LMNTD1: variants seen among roughly 807,000 people sequenced by gnomAD.
The protein encoded by LMNTD1 is lamin tail domain containing 1.
In LMNTD1, 35 loss-of-function variants were observed where a neutral mutation model predicts 50.9. The ratio of observed to expected loss-of-function variants is 0.69; its 90% CI spans 0.53 to 0.91. The LOEUF (loss-of-function observed/expected upper bound fraction) is 0.91. Ranked by LOEUF, LMNTD1 falls within the 40% of genes least tolerant of loss-of-function variation. The probability of loss-of-function intolerance (pLI) is 0.00; values close to 1 mark genes in which losing one functional copy is unlikely to be tolerated. For synonymous variants in LMNTD1, 153 were observed against 161.9 expected (o/e 0.94, Z 0.42); for missense variants, 470 against 475.5 (o/e 0.99, Z 0.11).
chr12:25,507,128 G>A lies in LMNTD1; in HGVS notation c.1190-3328C>T, dbSNP rs138558724. Among the ~76,000 whole-genome samples, 359 of 152,140 alleles carry A rather than the reference G, an allele frequency of 2.4e-3. 1 individual carries two copies. The highest frequency in any genetic ancestry group is 6.9e-3 in the African/African-American group (286 of 41,496). ...TGACCTTAAGTGATGCACCCACCTC[G>A]GCCTCCCAAAGTGCTGGGATTACAG... On this transcript the variant is annotated intron_variant, in intron 8 of 9. Coordinates refer to ENST00000458174, the MANE Select transcript of LMNTD1 (RefSeq NM_001145728.2).
intron 1 of LMNTD1, among the ~76,000 whole-genome samples, chr12:25,585,148 T>C (rs562409575): frequency 6.6e-6 from 1 of 152,336 alleles, no homozygotes; most frequent in Admixed American, 6.5e-5. Flanking sequence ...TCCCATGGAC[T>C]CTTTCATGTG....
At chr12:25,531,440 C>G (rs1400797041) in intron 4 of LMNTD1, among the ~76,000 whole-genome samples, 1 of 152,182 alleles carries the variant, frequency 6.6e-6, no homozygotes, top group Middle Eastern at 3.2e-3. Flanking sequence ...GATATTTAGT[C>G]TAGTGTCTCG....
intron 1 of LMNTD1, among the ~76,000 whole-genome samples, chr12:25,587,526 A>C (rs1213530831): frequency 7.2e-6 from 1 of 139,050 alleles, no homozygotes; most frequent in Non-Finnish European, 1.5e-5. Flanking sequence ...CACTCTTGTG[A>C]GGACTCACTC....
At chr12:25,556,676 G>C (rs1944057229), upstream of LMNTD1, among the ~76,000 whole-genome samples, 1 of 152,204 alleles carries the variant, frequency 6.6e-6, no homozygotes, top group African/African-American at 2.4e-5. Context: ...CCCCATAAGA[G>C]TAGATGTGGG....
chr12:25,605,592 A>C (rs1283722803), intron 1 of LMNTD1, among the ~76,000 whole-genome samples: 1 of 152,192 alleles, frequency 6.6e-6, no homozygotes, highest in Non-Finnish European at 1.5e-5. Context: ...CCATTTATTA[A>C]ATAGGGAATC....
At chr12:25,538,953 A>G (rs1942841990) in intron 4 of LMNTD1, among the ~76,000 whole-genome samples, 1 of 148,164 alleles carries the variant, frequency 6.7e-6, no homozygotes, top group South Asian at 2.2e-4. Flanking sequence ...ACTTTAAACC[A>G]ACAAAGATCA....
intron 3 of LMNTD1, among the ~76,000 whole-genome samples, chr12:25,548,847 T>A (rs1488853964): frequency 6.6e-6 from 1 of 151,992 alleles, no homozygotes; most frequent in Non-Finnish European, 1.5e-5. Context: ...TTTATTGTTT[T>A]ACCATTTTCT....
intron 9 of LMNTD1, among the ~76,000 whole-genome samples, chr12:25,491,588 A>G (rs1021043907): frequency 6.6e-6 from 1 of 152,384 alleles, no homozygotes; most frequent in Admixed American, 6.5e-5. Context: ...AATTCTCTCT[A>G]TTGCCCCAAG....
In LMNTD1 at chr12:25,621,881, C is replaced by T. The variant is rs377483079; in HGVS notation, c.58+26613G>A. ...TATGCTGAATGAGATGGGAAATCAACAGAGGGTTCTGGACAGAAAACTGAT... is the reference window on the plus strand; with the variant it reads ...TATGCTGAATGAGATGGGAAATCAATAGAGGGTTCTGGACAGAAAACTGAT... On this transcript the variant is annotated intron_variant, in intron 1 of 7. Coordinates refer to the LMNTD1 transcript ENST00000445693. 2.1e-4 allele frequency among the ~76,000 whole-genome samples: 32 copies of T among 152,300 alleles called. 1 individual carries two copies. The highest frequency in any genetic ancestry group is 7.7e-4 in the African/African-American group (32 of 41,580).
intron 1 of LMNTD1, among the ~76,000 whole-genome samples, chr12:25,618,727 T>C (rs540734576): frequency 6.6e-6 from 1 of 152,330 alleles, no homozygotes; most frequent in East Asian, 1.9e-4. Context: ...TGAATACTAA[T>C]AATTTAATAA....
intron 6 of LMNTD1, 25 bp downstream of exon 6, chr12:25,526,074 C>T (rs79553131): frequency 2.7e-5 from 39 of 1,461,004 alleles, no homozygotes; most frequent in East Asian, 2.3e-4. Flanking sequence ...AAAAAAAAAA[C>T]GATTGTTAAG....
At chr12:25,595,961 C>G (rs900595122) in intron 1 of LMNTD1, among the ~76,000 whole-genome samples, 1 of 152,038 alleles carries the variant, frequency 6.6e-6, no homozygotes, top group South Asian at 2.1e-4. Flanking sequence ...CTATGAATAT[C>G]TTTACATGCA....
At chr12:25,481,980 T>C (rs545072010) in intron 9 of LMNTD1, among the ~76,000 whole-genome samples, 25 of 151,742 alleles carry the variant, frequency 1.6e-4, no homozygotes, top group Non-Finnish European at 2.5e-4. Flanking sequence ...TAATGTTTCT[T>C]TGAAACCTAA....
chr12:25,598,066 G>T (rs1281883885), intron 1 of LMNTD1, among the ~76,000 whole-genome samples: 1 of 152,042 alleles, frequency 6.6e-6, no homozygotes, highest in African/African-American at 2.4e-5. Context: ...TCTCTTGCCT[G>T]CCACCATGTA....
chr12:25,562,669 T>C (rs944693385), intron 1 of LMNTD1, among the ~76,000 whole-genome samples: 4 of 152,164 alleles, frequency 2.6e-5, no homozygotes, highest in African/African-American at 9.7e-5. Flanking sequence ...TTTCCTGAAT[T>C]TGAATGTTGG....
rs566132454 is a variant in LMNTD1, at chr12:25,568,716, C to T, written c.59-22162G>A. Among the ~76,000 whole-genome samples, 3 of 152,332 alleles carry T rather than the reference C, an allele frequency of 2.0e-5. No individual in the cohort carries two copies. In the South Asian group the frequency reaches 6.2e-4, roughly 32 times the overall value. ...CAGCTTCAGCCATGGCTCAAAGTGC[C>T]CCAGATACAGCTTAGGCCACTGCTC... On this transcript the variant is annotated intron_variant, in intron 1 of 7. Transcript: ENST00000445693.
At chr12:25,581,235 G>T (rs1945271539) in intron 1 of LMNTD1, among the ~76,000 whole-genome samples, 1 of 152,126 alleles carries the variant, frequency 6.6e-6, no homozygotes, top group African/African-American at 2.4e-5. Flanking sequence ...TAAGCTAAAG[G>T]CCCCGCGCAG....
intron 1 of LMNTD1, among the ~76,000 whole-genome samples, chr12:25,562,812 T>A (rs1219103252): frequency 6.6e-6 from 1 of 152,222 alleles, no homozygotes; most frequent in Non-Finnish European, 1.5e-5. Flanking sequence ...TAGTCCCATA[T>A]TTCTTGGAGG....
intron 1 of LMNTD1, among the ~76,000 whole-genome samples, chr12:25,582,111 G>A (rs1392825902): frequency 2.6e-5 from 4 of 152,204 alleles, no homozygotes; most frequent in Non-Finnish European, 5.9e-5. Context: ...TGAGGGAGAG[G>A]AAGATTATAT....
Sources: gnomAD v4.1 joint callset for allele counts (sites outside exome capture counted in the v4.1 genomes callset) on GRCh38, gnomAD v4.1.1 for gene constraint, MANE v1.5 for transcripts, NCBI Gene and HGNC (gene_info 2026-07-23, HGNC 2026-07-21) for gene names.